The following MREG variants were observed in gnomAD, a reference collection of about 807,000 sequenced individuals.
MREG encodes dilute suppressor protein homolog.
MREG carries 31 observed loss-of-function variants against 28.5 expected under a neutral mutation model. That is an observed-to-expected ratio of 1.09 (90% CI 0.82 to 1.47). The LOEUF (loss-of-function observed/expected upper bound fraction) is 1.47, where lower values mean the gene tolerates loss of function less well. Ranked by LOEUF, MREG falls within the 40% of genes most tolerant of loss-of-function variation. MREG has a pLI of 0.00. For synonymous variants in MREG, 106 were observed against 95.2 expected, an observed-to-expected ratio of 1.11 and a Z score of -0.66; for missense variants, 256 against 257.4, an observed-to-expected ratio of 0.99 and a Z score of 0.04.
intron 1 of MREG, among the ~76,000 whole-genome samples, chr2:216,031,683 G>C (rs1324013674): frequency 7.4e-5 from 4 of 53,708 alleles, no homozygotes; most frequent in African/African-American, 2.8e-4. Flanking sequence ...AAGAAAGAAA[G>C]AAAGAAAGAG....
chr2:215,966,601 CTT>C (rs1052642780), intron 2 of MREG, among the ~76,000 whole-genome samples: 26 of 136,612 alleles, frequency 1.9e-4, no homozygotes, highest in East Asian at 8.4e-4. Context: ...AACATTTTCC[CTT>C]TTTTTTTTTT....
intron 2 of MREG, among the ~76,000 whole-genome samples, chr2:215,960,813 G>A (rs1267826293): frequency 2.6e-5 from 4 of 151,970 alleles, no homozygotes; most frequent in Admixed American, 6.5e-5. Flanking sequence ...CAGCCTGGGC[G>A]ACAGGGCGAG....
chr2:216,000,937 C>T (rs1362574471), intron 1 of MREG, among the ~76,000 whole-genome samples: 2 of 152,162 alleles, frequency 1.3e-5, no homozygotes, highest in Non-Finnish European at 2.9e-5. Flanking sequence ...TTTAAAATGA[C>T]GATCTCAGCT....
At chr2:215,939,359 T>A (rs1303807431), downstream of MREG, 1 of 152,368 alleles carries the variant, frequency 6.6e-6, no homozygotes, top group African/African-American at 2.4e-5. Context: ...CCAGGTGGCG[T>A]GTTACAATGA....
intron 2 of MREG, among the ~76,000 whole-genome samples, chr2:215,978,286 A>T (rs1243548350): frequency 1.3e-5 from 2 of 152,252 alleles, no homozygotes; most frequent in Non-Finnish European, 2.9e-5. Context: ...AATCTAGAAG[A>T]AATGAATAAA....
intron 1 of MREG, among the ~76,000 whole-genome samples, chr2:216,019,317 GA>G (rs936021613): frequency 6.6e-6 from 1 of 151,994 alleles, no homozygotes; most frequent in Non-Finnish European, 1.5e-5. Context: ...AGCTAATCCT[GA>G]AAAAACACAA....
At chr2:215,989,027 TG>T (rs909019426) in intron 2 of MREG, among the ~76,000 whole-genome samples, 1 of 152,198 alleles carries the variant, frequency 6.6e-6, no homozygotes, top group African/African-American at 2.4e-5. Flanking sequence ...TCTCCCAGGA[TG>T]GCCCTCAAGC....
intron 1 of MREG, among the ~76,000 whole-genome samples, chr2:216,001,094 C>T (rs1357430149): frequency 2.0e-5 from 3 of 152,222 alleles, no homozygotes; most frequent in African/African-American, 7.2e-5. Context: ...TCTCCTCTCT[C>T]TAGCTGTCTC....
chr2:215,974,852 ACTCTCTCTCTCT>A (rs749594804), intron 2 of MREG, among the ~76,000 whole-genome samples: 1 of 107,554 alleles, frequency 9.3e-6, no homozygotes, highest in African/African-American at 3.3e-5. Context: ...ACACACACAC[ACTCTCTCTCTCT>A]CTCTCTCTCT....
chr2:215,960,820 C>T (rs572076431), intron 2 of MREG, among the ~76,000 whole-genome samples: 8 of 151,644 alleles, frequency 5.3e-5, no homozygotes, highest in Admixed American at 3.3e-4. Flanking sequence ...GGCGACAGGG[C>T]GAGACTCCAT....
At chr2:215,940,554 T>A (rs1034028607), downstream of MREG, among the ~76,000 whole-genome samples, 1 of 152,236 alleles carries the variant, frequency 6.6e-6, no homozygotes, top group Non-Finnish European at 1.5e-5. Context: ...TAACATTTAA[T>A]GTCTTCACTA....
In MREG at chr2:216,030,671, T is replaced by C. The variant is rs545908893; in HGVS notation, c.-68+2118A>G. On this transcript the variant is annotated intron_variant, in intron 1 of 3. Transcript: ENST00000420348. Reference sequence around the variant, plus strand: ...GATTCTTGTGCCTCAGCCTGCTAAGTAGCTGGGATTATTAGCATGCACCAC... The same window carrying C: ...GATTCTTGTGCCTCAGCCTGCTAAGCAGCTGGGATTATTAGCATGCACCAC... Among the ~76,000 whole-genome samples, 61 of 151,938 alleles carry C rather than the reference T, an allele frequency of 4.0e-4. No homozygotes were observed. In the South Asian group the frequency reaches 0.013, roughly 32 times the overall value.
upstream of MREG, among the ~76,000 whole-genome samples, chr2:216,015,460 T>C (rs112034463): frequency 4.4e-4 from 67 of 152,100 alleles, no homozygotes; most frequent in African/African-American, 1.4e-3. Flanking sequence ...GGAAGAGTTA[T>C]AGGAGATAGC....
intron 1 of MREG, among the ~76,000 whole-genome samples, chr2:216,005,705 G>A (rs1347186448): frequency 4.0e-5 from 6 of 151,694 alleles, no homozygotes; most frequent in Admixed American, 1.3e-4. Context: ...CACCTGCCTC[G>A]GCCTCCCAAA....
chr2:215,982,739 G>T (rs1178612155), intron 2 of MREG, among the ~76,000 whole-genome samples: 2 of 152,150 alleles, frequency 1.3e-5, no homozygotes, highest in African/African-American at 4.8e-5. Context: ...AGTCATGCAG[G>T]TTTCTGGGTC....
intron 1 of MREG, among the ~76,000 whole-genome samples, chr2:216,005,004 G>T (rs1241353013): frequency 1.3e-5 from 2 of 152,158 alleles, no homozygotes; most frequent in Non-Finnish European, 2.9e-5. Context: ...AGGCGCTGAG[G>T]CAGGGGTGTG....
intron 2 of MREG, among the ~76,000 whole-genome samples, chr2:215,990,470 T>C (rs531482726): frequency 6.6e-6 from 1 of 152,166 alleles, no homozygotes; most frequent in African/African-American, 2.4e-5. Flanking sequence ...ATCGACACTA[T>C]GAAGAAACTG....
At chr2:216,010,821 C>A (rs537326812) in intron 1 of MREG, among the ~76,000 whole-genome samples, 3 of 151,644 alleles carry the variant, frequency 2.0e-5, no homozygotes, top group Non-Finnish European at 1.5e-5. Flanking sequence ...ATCGGCCAGG[C>A]GCAGTGGCTC....
rs1045266228 is a variant in MREG at position 215,942,864 on chromosome 2, A to G, written c.*1999T>C. ...GAATGTTTATCTTGCGAGAGTCTAC[A>G]GAATTGAGAGAAAATATCTGCAGGC... On this transcript the variant is annotated 3_prime_UTR_variant, in exon 5 of 5. Coordinates refer to ENST00000263268, the MANE Select transcript of MREG (RefSeq NM_018000.3). 1 of 152,628 alleles carries G rather than the reference A, an allele frequency of 6.6e-6. No individual in the cohort carries two copies. The highest frequency in any genetic ancestry group is 1.9e-4 in the East Asian group (1 of 5,204). 9.5% of individuals were successfully genotyped at this position (152,628 alleles called of 1,614,324 possible).
Sources: gnomAD v4.1 joint callset for allele counts (sites outside exome capture counted in the v4.1 genomes callset) on GRCh38, gnomAD v4.1.1 for gene constraint, MANE v1.5 for transcripts, NCBI Gene and HGNC (gene_info 2026-07-23, HGNC 2026-07-21) for gene names.